SEC16B: variants seen among roughly 807,000 people sequenced by gnomAD.
The protein encoded by SEC16B is SEC16 homolog B, endoplasmic reticulum export factor.
A neutral mutation model predicts 141.8 loss-of-function variants in SEC16B; 115 were observed. The observed-to-expected ratio is 0.81, with a 90% confidence interval of 0.70 to 0.95. The LOEUF (loss-of-function observed/expected upper bound fraction) is 0.95, where lower values mean the gene tolerates loss of function less well. SEC16B is among the 40% of genes least tolerant of loss of function. SEC16B has a pLI of 0.00. For missense variants in SEC16B, 1,291 were observed against 1,312.3 expected, an observed-to-expected ratio of 0.98 and a Z score of 0.25; for synonymous variants, 493 against 492.5, an observed-to-expected ratio of 1.00 and a Z score of -0.01.
chr1:177,973,326 A>G (rs1309770061), upstream of SEC16B: 4 of 152,122 alleles, frequency 2.6e-5, no homozygotes, highest in Non-Finnish European at 1.5e-5. Flanking sequence ...GTAAAAATTT[A>G]GAAAACAAGT....
At chr1:177,945,081 C>T (rs1651583094) in intron 14 of SEC16B, among the ~76,000 whole-genome samples, 2 of 152,178 alleles carry the variant, frequency 1.3e-5, no homozygotes, top group African/African-American at 4.8e-5. Flanking sequence ...TTTGAGCAAA[C>T]TCGCACAAAA....
chr1:177,941,960 A>C lies in SEC16B; in HGVS notation c.1962T>G (p.Gly654=). 6.2e-7 allele frequency: 1 copy of C among 1,614,026 alleles called. No individual in the cohort carries two copies. The highest frequency in any genetic ancestry group is 8.5e-7 in the Non-Finnish European group (1 of 1,179,882). ...SQALHYCEAI[G]AAVLSQGESS... Reference sequence around the variant, plus strand: ...TCTCTCCCTGGCTCAAGACAGCTGCACCAATGGCTTCGCAGTAATGCAAAG... The same window carrying C: ...TCTCTCCCTGGCTCAAGACAGCTGCCCCAATGGCTTCGCAGTAATGCAAAG... Residue 654 remains glycine (G), a synonymous_variant, in exon 16 of 26, where the codon GGT becomes GGG. Transcript: ENST00000308284.
chr1:177,973,697 T>C (rs1654053629), upstream of SEC16B, among the ~76,000 whole-genome samples: 1 of 152,092 alleles, frequency 6.6e-6, no homozygotes, highest in African/African-American at 2.4e-5. Flanking sequence ...CATTATCACA[T>C]GCACTGGGGA....
chr1:177,932,946 T>G, intron 22 of SEC16B, 140 bp from the exon 23 acceptor site: 2 of 792,756 alleles, frequency 2.5e-6, no homozygotes, highest in South Asian at 3.2e-5. Flanking sequence ...CCCCTCCTCA[T>G]CCCACTCTTC....
At position 177,937,262 on chromosome 1, in the gene SEC16B, T is replaced by C. The variant is rs1650913849; in HGVS notation, c.2455A>G (p.Thr819Ala). The change falls in exon 19 of 26, where the codon ACT becomes GCT. Residue 819 changes from threonine (T) to alanine (A), a missense_variant. Thr to Ala is a moderately conservative substitution (Grantham distance 58). This residue lies in a region of SEC16B where 605 missense variants were observed against 614.1 expected (regional missense o/e 0.99). Transcript: ENST00000308284. ...TGSSVAVTEA[T>A]GGTVWEEMLQ... is the part of the protein sequence containing the mutation. ...ATTTCCTCCCAGACTGTTCCTCCAG[T>C]GGCCTCTGTCACTGCCACGCTGCTG... 1 of 1,613,852 alleles carries C rather than the reference T, an allele frequency of 6.2e-7. No homozygotes were observed. The highest frequency in any genetic ancestry group is 2.2e-5 in the East Asian group (1 of 44,866).
At chr1:177,936,433 G>A in intron 19 of SEC16B, 68 bp from the exon 20 acceptor site, 1 of 1,348,072 alleles carries the variant, frequency 7.4e-7, no homozygotes, top group Non-Finnish European at 1.0e-6. Flanking sequence ...CTGAAGAAGG[G>A]TAACTGGGAC....
chr1:177,939,615 G>C (rs1390608427), intron 18 of SEC16B, 87 bp downstream of exon 18: 4 of 1,167,006 alleles, frequency 3.4e-6, no homozygotes, highest in Non-Finnish European at 3.7e-6. Context: ...GGAAGCAAAG[G>C]GCGAGTGCTT....
At chr1:177,971,902 G>C (rs1653973613), upstream of SEC16B, among the ~76,000 whole-genome samples, 1 of 152,200 alleles carries the variant, frequency 6.6e-6, no homozygotes, top group Non-Finnish European at 1.5e-5. Context: ...CATGGTGGGA[G>C]TATTTACACC....
intron 4 of SEC16B, 44 bp from the exon 5 acceptor site, chr1:177,964,323 C>T: frequency 1.4e-6 from 2 of 1,457,958 alleles, no homozygotes; most frequent in African/African-American, 1.4e-5. Flanking sequence ...CCTGGGCAAG[C>T]CAGCAAGGCT....
At chr1:177,974,184 G>A (rs1557996831), upstream of SEC16B, among the ~76,000 whole-genome samples, 1 of 152,074 alleles carries the variant, frequency 6.6e-6, no homozygotes, top group Non-Finnish European at 1.5e-5. Context: ...GGAAGATGAT[G>A]TGTTCAGTTT....
chr1:177,940,797 G>C, intron 16 of SEC16B, 83 bp from the exon 17 acceptor site: 1 of 852,962 alleles, frequency 1.2e-6, no homozygotes, highest in East Asian at 2.7e-5. Flanking sequence ...AAGACAACGG[G>C]GAAGAGAAAA....
At chr1:177,960,503 A>G in intron 7 of SEC16B, 100 bp from the exon 8 acceptor site, 2 of 859,564 alleles carry the variant, frequency 2.3e-6, no homozygotes, top group African/African-American at 1.7e-5. Context: ...GGGCTAGGAT[A>G]TGGCTCAAGG....
At chr1:177,941,303 C>T (rs190513818) in intron 16 of SEC16B, among the ~76,000 whole-genome samples, 4 of 152,244 alleles carry the variant, frequency 2.6e-5, no homozygotes, top group Admixed American at 6.5e-5. Flanking sequence ...AAATTTTATA[C>T]GTTAAAGAAG....
chr1:177,973,325 T>C (rs1654036592), upstream of SEC16B: 1 of 152,212 alleles, frequency 6.6e-6, no homozygotes, highest in Non-Finnish European at 1.5e-5. Flanking sequence ...AGTAAAAATT[T>C]AGAAAACAAG....
chr1:177,948,809 G>A (rs1238924600), intron 12 of SEC16B, among the ~76,000 whole-genome samples: 6 of 152,210 alleles, frequency 3.9e-5, no homozygotes, highest in Non-Finnish European at 5.9e-5. Context: ...AATGGAGATC[G>A]TAATTTCTAC....
chr1:177,977,015 T>C (rs1464462972), intron 1 of SEC16B, among the ~76,000 whole-genome samples: 1 of 152,248 alleles, frequency 6.6e-6, no homozygotes, highest in Non-Finnish European at 1.5e-5. Context: ...ATGCCACGGA[T>C]ACTCATCAAT....
chr1:177,939,105 G>A (rs113305458), intron 18 of SEC16B, among the ~76,000 whole-genome samples: 5 of 152,190 alleles, frequency 3.3e-5, no homozygotes, highest in Admixed American at 6.5e-5. Context: ...CTTTGCTCAC[G>A]CCTGAGGAAG....
intron 12 of SEC16B, among the ~76,000 whole-genome samples, chr1:177,949,939 C>T (rs1038146830): frequency 2.1e-5 from 2 of 96,790 alleles, no homozygotes; most frequent in African/African-American, 5.3e-5. Context: ...TAAGCTAACT[C>T]TACTATTACA....
chr1:177,960,285 CA>C, intron 8 of SEC16B, 56 bp downstream of exon 8: 1 of 1,112,632 alleles, frequency 9.0e-7, no homozygotes, highest in South Asian at 1.3e-5. Flanking sequence ...CTGATCTGGG[CA>C]GGAAGATTTT....
Sources: allele counts gnomAD v4.1 joint callset (sites outside exome capture counted in the v4.1 genomes callset), GRCh38; gene constraint gnomAD v4.1.1; regional missense constraint gnomAD v4.1.1; transcripts MANE v1.5; gene names NCBI Gene and HGNC (gene_info 2026-07-23, HGNC 2026-07-21).